Variants in ERG observed in about 807,000 individuals in gnomAD.
ERG encodes the protein transcriptional regulator ERG.
A neutral mutation model predicts 55.3 loss-of-function variants in ERG; 9 were observed. The ratio of observed to expected loss-of-function variants is 0.16; its 90% CI spans 0.10 to 0.28. The LOEUF is 0.28. ERG is among the 10% of genes least tolerant of loss of function. ERG has a pLI of 1.00. For missense variants in ERG, 434 were observed against 631.6 expected (o/e 0.69, Z 3.35); for synonymous variants, 223 against 237.3 (o/e 0.94, Z 0.55).
At chr21:38,468,414 A>C (rs918333238) in intron 1 of ERG, among the ~76,000 whole-genome samples, 14 of 152,228 alleles carry the variant, frequency 9.2e-5, no homozygotes, top group African/African-American at 3.1e-4. Flanking sequence ...AGCAAAAATT[A>C]AACTTGAAAG....
At chr21:38,531,224 C>T (rs1208122922) in intron 2 of ERG, among the ~76,000 whole-genome samples, 1 of 152,208 alleles carries the variant, frequency 6.6e-6, no homozygotes, top group African/African-American at 2.4e-5. Flanking sequence ...CGTCATTATT[C>T]AAAGTGACCT....
chr21:38,461,902 T>G (rs1404998203), intron 1 of ERG, among the ~76,000 whole-genome samples: 1 of 152,236 alleles, frequency 6.6e-6, no homozygotes, highest in Non-Finnish European at 1.5e-5. Flanking sequence ...CCTCCTGGGT[T>G]CAAGTGATTC....
intron 7 of ERG, 68 bp from the exon 8 acceptor site, chr21:38,391,783 G>T: frequency 8.1e-7 from 1 of 1,237,226 alleles, no homozygotes; most frequent in Non-Finnish European, 1.2e-6. Flanking sequence ...TGATGTTGTT[G>T]CATAATCATT....
chr21:38,466,725 C>T (rs1008538651), intron 1 of ERG, among the ~76,000 whole-genome samples: 9 of 152,262 alleles, frequency 5.9e-5, no homozygotes, highest in African/African-American at 2.2e-4. Context: ...ACCAACTTTA[C>T]AGATAATTGA....
chr21:38,611,093 G>C (rs190349382), intron 1 of ERG, among the ~76,000 whole-genome samples: 79 of 152,206 alleles, frequency 5.2e-4, no homozygotes, highest in Middle Eastern at 6.8e-3. Flanking sequence ...CTTCACCCTT[G>C]GCTCACTTCT....
chr21:38,584,782 A>T (rs557639665), intron 1 of ERG: 1 of 151,994 alleles, frequency 6.6e-6, no homozygotes, highest in South Asian at 2.1e-4. Context: ...TTACATATCC[A>T]CATTTTTTAA....
chr21:38,578,363 A>G (rs2060007855), intron 1 of ERG, among the ~76,000 whole-genome samples: 1 of 152,350 alleles, frequency 6.6e-6, no homozygotes, highest in Admixed American at 6.5e-5. Context: ...GATAAGTACA[A>G]AGATGGTTCC....
chr21:38,644,797 T>C (rs1407759887), intron 1 of ERG, among the ~76,000 whole-genome samples: 1 of 152,194 alleles, frequency 6.6e-6, no homozygotes, highest in Non-Finnish European at 1.5e-5. Context: ...GTATTTGATA[T>C]TCACTTTTTC....
chr21:38,376,224 C>G (rs753725660), downstream of ERG, among the ~76,000 whole-genome samples: 10 of 152,164 alleles, frequency 6.6e-5, no homozygotes, highest in Non-Finnish European at 1.2e-4. Flanking sequence ...CACAGACAGG[C>G]CCAGGGTCTC....
At chr21:38,616,106 T>C (rs1407835047) in intron 1 of ERG, among the ~76,000 whole-genome samples, 2 of 152,132 alleles carry the variant, frequency 1.3e-5, no homozygotes, top group African/African-American at 4.8e-5. Context: ...TGAGATCAGA[T>C]GATTTTATAT....
chr21:38,487,744 G>C (rs576277060), intron 1 of ERG, among the ~76,000 whole-genome samples: 1 of 152,194 alleles, frequency 6.6e-6, no homozygotes, highest in East Asian at 1.9e-4. Context: ...TGACTGTCTA[G>C]GGGCAACAGA....
intron 1 of ERG, among the ~76,000 whole-genome samples, chr21:38,627,473 G>A (rs910084610): frequency 2.0e-5 from 3 of 149,692 alleles, no homozygotes; most frequent in African/African-American, 7.3e-5. Flanking sequence ...TCAACAACCT[G>A]CTTCTTTTCT....
intron 1 of ERG, among the ~76,000 whole-genome samples, chr21:38,617,896 G>C (rs905546845): frequency 1.5e-4 from 23 of 152,132 alleles, no homozygotes; most frequent in African/African-American, 5.3e-4. Flanking sequence ...GAAGGCCTTT[G>C]TTTTCCCCCA....
At chr21:38,572,884 T>C (rs1200954791) in intron 2 of ERG, among the ~76,000 whole-genome samples, 1 of 152,248 alleles carries the variant, frequency 6.6e-6, no homozygotes, top group Non-Finnish European at 1.5e-5. Flanking sequence ...GAGATCTGAC[T>C]GTTACTGTGT....
chr21:38,616,580 T>C (rs773691774), intron 1 of ERG, among the ~76,000 whole-genome samples: 7 of 151,442 alleles, frequency 4.6e-5, no homozygotes, highest in Non-Finnish European at 7.4e-5. Context: ...GTATAAGATA[T>C]ATGGCCTGTA....
chr21:38,376,192 C>T (rs1409221165), downstream of ERG, among the ~76,000 whole-genome samples: 1 of 152,120 alleles, frequency 6.6e-6, no homozygotes, highest in African/African-American at 2.4e-5. Context: ...CCCTATGTCA[C>T]ATTAGTGTGA....
At chr21:38,378,724 G>A (rs1171416524), downstream of ERG, among the ~76,000 whole-genome samples, 2 of 152,134 alleles carry the variant, frequency 1.3e-5, no homozygotes, top group African/African-American at 4.8e-5. Context: ...TAACAAATAA[G>A]TCCTCGTTTG....
rs1422396367 is a variant in ERG at position 38,450,909 on chromosome 21, G to A, written c.19-5288C>T. The A allele has an allele frequency of 6.6e-6, 3 of 455,900 alleles. No individual in the cohort carries two copies. The East Asian group carries it at 2.1e-4, about 32-fold the overall frequency. The allele number at this position is 455,900 out of a possible 1,614,324, so 28.2% of individuals were successfully genotyped here. On this transcript the variant is annotated intron_variant, in intron 1 of 9. Transcript: ENST00000288319. ...TCCTATAAGGTCAGCTGTGATTCTT[G>A]CCCACCCATCAGAAAGTGCGATTAG...
At chr21:38,465,533 C>T (rs1390806251) in intron 1 of ERG, among the ~76,000 whole-genome samples, 3 of 152,072 alleles carry the variant, frequency 2.0e-5, no homozygotes, top group South Asian at 2.1e-4. Flanking sequence ...CACAAATGAA[C>T]GCTAATGTAA....
Sources: allele counts gnomAD v4.1 joint callset (sites outside exome capture counted in the v4.1 genomes callset), GRCh38; gene constraint gnomAD v4.1.1; transcripts MANE v1.5; gene names NCBI Gene and HGNC (gene_info 2026-07-23, HGNC 2026-07-21).